Variants in ABCA13 observed in about 807,000 individuals in gnomAD.
ABCA13 encodes the protein ATP binding cassette subfamily A member 13.
ABCA13 carries 476 observed loss-of-function variants against 478.7 expected under a neutral mutation model. The observed-to-expected ratio is 0.99, with a 90% confidence interval of 0.92 to 1.07. The LOEUF (loss-of-function observed/expected upper bound fraction) is 1.07. Among genes scored for constraint, ABCA13 ranks in the 50% least tolerant of loss-of-function variants. ABCA13 has a pLI of 0.00. For synonymous variants in ABCA13, 2,252 were observed against 2,158.9 expected, an observed-to-expected ratio of 1.04 and a Z score of -1.20; for missense variants, 6,060 against 5,910.6, an observed-to-expected ratio of 1.03 and a Z score of -0.83.
At chr7:48,606,017 T>C (rs1023415479) in intron 58 of ABCA13, among the ~76,000 whole-genome samples, 5 of 152,242 alleles carry the variant, frequency 3.3e-5, no homozygotes, top group Non-Finnish European at 7.3e-5. Context: ...TAGTGATACT[T>C]GTGCATGCTT....
chr7:48,443,793 G>C (rs908276034), intron 42 of ABCA13, among the ~76,000 whole-genome samples: 1 of 152,098 alleles, frequency 6.6e-6, no homozygotes, highest in South Asian at 2.1e-4. Context: ...TTGGAGGAGG[G>C]AGTTCCTGCC....
Position 48,455,251 on chromosome 7 carries a change from T to C in ABCA13, c.12780T>C (p.Pro4260=), listed in dbSNP as rs79952237. Reference sequence around the variant, plus strand: ...AGTACCCTCCCCTCAGACTCACACCTGGACATTACCAGCGGGCCGAGACCT... The same window carrying C: ...AGTACCCTCCCCTCAGACTCACACCCGGACATTACCAGCGGGCCGAGACCT... ...ATEYPPLRLT[P]GHYQRAETYF... Residue 4260 remains proline (P), a synonymous_variant, in exon 43 of 62, where the codon CCT becomes CCC. Coordinates refer to ENST00000435803, the MANE Select transcript of ABCA13 (RefSeq NM_152701.5). The C allele has an allele frequency of 1.8e-5, 29 of 1,606,518 alleles. No homozygotes were observed. Among genetic ancestry groups the C allele is most frequent in the Non-Finnish European group, 2.3e-5 (27 of 1,176,890 alleles).
intron 42 of ABCA13, among the ~76,000 whole-genome samples, chr7:48,445,510 T>C (rs1824184185): frequency 1.3e-5 from 2 of 152,182 alleles, no homozygotes; most frequent in South Asian, 4.1e-4. Flanking sequence ...CCCCAGAATC[T>C]TTACAACAGC....
chr7:48,370,776 A>C (rs1240167471), intron 32 of ABCA13, among the ~76,000 whole-genome samples: 1 of 152,194 alleles, frequency 6.6e-6, no homozygotes, highest in Non-Finnish European at 1.5e-5. Flanking sequence ...TACATCAAAA[A>C]GTTTGAAAGA....
intron 39 of ABCA13, among the ~76,000 whole-genome samples, chr7:48,406,864 C>G (rs1022046877): frequency 1.3e-5 from 2 of 151,680 alleles, no homozygotes; most frequent in South Asian, 4.2e-4. Flanking sequence ...CAGAGCAAGG[C>G]TCCATCTCAA....
At position 48,547,953 on chromosome 7, in the gene ABCA13, C is replaced by A. The variant is rs6583450; in HGVS notation, c.14354+19608C>A. ...TGTAACCCCATCCTAAGTTGAGAAG[C>A]ATTTGTATTTGCTACTTGTTGATGT... On this transcript the variant is annotated intron_variant, in intron 55 of 61. Coordinates refer to ENST00000435803, the MANE Select transcript of ABCA13 (RefSeq NM_152701.5). Among the ~76,000 whole-genome samples, 947 of 151,952 alleles carry A rather than the reference C, an allele frequency of 6.2e-3. 16 individuals carry two copies. Among genetic ancestry groups the A allele is most frequent in the African/African-American group, 0.022 (903 of 41,522 alleles).
At chr7:48,644,595 T>C in intron 60 of ABCA13, 22 bp from the exon 61 acceptor site, 1 of 1,406,590 alleles carries the variant, frequency 7.1e-7, no homozygotes, top group Non-Finnish European at 9.6e-7. Flanking sequence ...GATACTTTTT[T>C]TTTTTTTTTT....
intron 52 of ABCA13, among the ~76,000 whole-genome samples, chr7:48,518,562 A>T (rs1832303708): frequency 6.6e-6 from 1 of 152,146 alleles, no homozygotes; most frequent in African/African-American, 2.4e-5. Context: ...TTTGCCAGAA[A>T]ATGGATCTAA....
At chr7:48,574,124 T>G (rs1787937969) in intron 55 of ABCA13, among the ~76,000 whole-genome samples, 1 of 152,092 alleles carries the variant, frequency 6.6e-6, no homozygotes. Context: ...ATTATTACTA[T>G]TATTTTGGAT....
chr7:48,531,082 GT>G lies in ABCA13; in HGVS notation c.14354+2742del, dbSNP rs563063432. Among the ~76,000 whole-genome samples the G allele has an allele frequency of 2.6e-5, 4 of 152,184 alleles. 1 individual carries two copies. The South Asian group carries it at 8.3e-4, about 32-fold the overall frequency. ...TTTGCCTAAGCCAATGTTTAGAGGG[GT>G]TTTTCCGATGTTATCTTCTAGAATC... On this transcript the variant is annotated intron_variant, in intron 55 of 61. Transcript: ENST00000435803.
intron 23 of ABCA13, among the ~76,000 whole-genome samples, chr7:48,300,896 T>C (rs1800055315): frequency 6.6e-6 from 1 of 152,212 alleles, no homozygotes; most frequent in African/African-American, 2.4e-5. Context: ...CACTTCATGC[T>C]GTGTTCCTAT....
intron 3 of ABCA13, among the ~76,000 whole-genome samples, chr7:48,217,922 T>C (rs1266498418): frequency 6.6e-6 from 1 of 152,200 alleles, no homozygotes; most frequent in Non-Finnish European, 1.5e-5. Context: ...AATAAAGACC[T>C]GTACTCAGAA....
At chr7:48,496,929 A>G (rs901508420) in intron 48 of ABCA13, among the ~76,000 whole-genome samples, 1 of 151,044 alleles carries the variant, frequency 6.6e-6, no homozygotes, top group Non-Finnish European at 1.5e-5. Flanking sequence ...GTTTTATCCT[A>G]TTTGGGATTT....
intron 21 of ABCA13, 113 bp downstream of exon 21, chr7:48,295,976 T>A: frequency 8.1e-7 from 1 of 1,231,434 alleles, no homozygotes; most frequent in Non-Finnish European, 1.1e-6. Flanking sequence ...ATACTCTTAA[T>A]GTGCATATTA....
At chr7:48,287,813 C>T in intron 19 of ABCA13, 147 bp from the exon 20 acceptor site, 2 of 635,426 alleles carry the variant, frequency 3.1e-6, no homozygotes, top group Non-Finnish European at 2.7e-6. Context: ...ACAGCTTTAC[C>T]CTCATCATCT....
At chr7:48,345,923 C>A (rs1294942942) in intron 29 of ABCA13, among the ~76,000 whole-genome samples, 1 of 152,202 alleles carries the variant, frequency 6.6e-6, no homozygotes, top group Non-Finnish European at 1.5e-5. Flanking sequence ...TAAAATCTTT[C>A]ATATCATATT....
intron 45 of ABCA13, among the ~76,000 whole-genome samples, chr7:48,473,996 A>G (rs1361318848): frequency 6.6e-6 from 1 of 152,208 alleles, no homozygotes; most frequent in Non-Finnish European, 1.5e-5. Flanking sequence ...CCCAGCTGTC[A>G]ATAAACTCAG....
At chr7:48,348,344 C>T (rs997519728) in intron 29 of ABCA13, among the ~76,000 whole-genome samples, 4 of 152,242 alleles carry the variant, frequency 2.6e-5, no homozygotes, top group Admixed American at 2.6e-4. Context: ...TCTAGCTCCT[C>T]TTTGATTGTG....
intron 42 of ABCA13, among the ~76,000 whole-genome samples, chr7:48,454,393 C>A (rs1194650012): frequency 6.6e-6 from 1 of 152,170 alleles, no homozygotes; most frequent in Non-Finnish European, 1.5e-5. Context: ...GGAGCGTGGC[C>A]GGATGATCAG....
Sources: allele counts gnomAD v4.1 joint callset (sites outside exome capture counted in the v4.1 genomes callset), GRCh38; gene constraint gnomAD v4.1.1; transcripts MANE v1.5; gene names NCBI Gene and HGNC (gene_info 2026-07-23, HGNC 2026-07-21).